DNAH8: variants seen among roughly 807,000 people sequenced by gnomAD.
DNAH8 encodes axonemal beta dynein heavy chain 8.
A neutral mutation model predicts 562.1 loss-of-function variants in DNAH8; 382 were observed. The ratio of observed to expected loss-of-function variants is 0.68; its 90% CI spans 0.63 to 0.74. The LOEUF is 0.74. Among genes scored for constraint, DNAH8 ranks in the 30% least tolerant of loss-of-function variants. The pLI, the probability that DNAH8 is intolerant of heterozygous loss-of-function variation, is 0.00. For synonymous variants in DNAH8, 1,881 were observed against 1,919.4 expected (o/e 0.98, Z 0.52); for missense variants, 5,203 against 5,620.4 (o/e 0.93, Z 2.37).
chr6:38,930,221 G>A (rs1782451167), intron 75 of DNAH8, among the ~76,000 whole-genome samples: 1 of 152,042 alleles, frequency 6.6e-6, no homozygotes, highest in African/African-American at 2.4e-5. Context: ...TTTGTTGGAA[G>A]CTATGGAATA....
intron 44 of DNAH8, among the ~76,000 whole-genome samples, chr6:38,862,831 G>A (rs1399872879): frequency 1.3e-5 from 2 of 152,182 alleles, no homozygotes; most frequent in Non-Finnish European, 2.9e-5. Flanking sequence ...TAAGAAGGGG[G>A]TGGCCATCAG....
intron 78 of DNAH8, 33 bp from the exon 79 acceptor site, chr6:38,938,765 C>G: frequency 1.3e-6 from 2 of 1,516,396 alleles, no homozygotes; most frequent in Non-Finnish European, 9.0e-7. Flanking sequence ...AGAAATTGCC[C>G]TTTGCTTCTT....
intron 82 of DNAH8, among the ~76,000 whole-genome samples, chr6:38,964,381 A>G (rs1484741341): frequency 2.5e-5 from 2 of 80,384 alleles, no homozygotes; most frequent in Admixed American, 1.4e-4. Flanking sequence ...TCCCTCCCGG[A>G]CGGGGCGGCT....
chr6:38,871,841 A>G (rs533102119), intron 49 of DNAH8, among the ~76,000 whole-genome samples: 7 of 152,284 alleles, frequency 4.6e-5, no homozygotes, highest in African/African-American at 1.4e-4. Flanking sequence ...ATCCACCCCC[A>G]AACAAACGTC....
rs1198647950 is a variant in DNAH8, at chr6:38,957,296, A to C, written c.12451+5776A>C. 6.0e-5 allele frequency among the ~76,000 whole-genome samples: 9 copies of C among 148,804 alleles called. No homozygotes were observed. The Admixed American group carries it at 6.1e-4, about 10-fold the overall frequency. ...TATAAAGATATATAAAAATTAATATATATATTAATTATAATAAAAGATATA... is the reference window on the plus strand; with the variant it reads ...TATAAAGATATATAAAAATTAATATCTATATTAATTATAATAAAAGATATA... On this transcript the variant is annotated intron_variant, in intron 82 of 92. Coordinates refer to ENST00000327475, the MANE Select transcript of DNAH8 (RefSeq NM_001206927.2).
intron 11 of DNAH8, among the ~76,000 whole-genome samples, chr6:38,762,180 A>G (rs149603396): frequency 2.0e-5 from 3 of 152,326 alleles, no homozygotes; most frequent in Non-Finnish European, 4.4e-5. Flanking sequence ...GGTTTAGAAG[A>G]CAATGTTTCT....
intron 62 of DNAH8, among the ~76,000 whole-genome samples, chr6:38,904,267 G>C (rs1780277620): frequency 6.6e-6 from 1 of 152,134 alleles, no homozygotes; most frequent in Non-Finnish European, 1.5e-5. Flanking sequence ...TCAGGAGAGG[G>C]GTTCTGGTTC....
intron 3 of DNAH8, among the ~76,000 whole-genome samples, chr6:38,726,811 C>T (rs764938825): frequency 7.1e-6 from 1 of 140,932 alleles, no homozygotes; most frequent in African/African-American, 2.7e-5. Flanking sequence ...TGGTGTGGTG[C>T]GGTTTAGGAA....
chr6:38,781,680 A>G (rs1035127143), intron 16 of DNAH8, among the ~76,000 whole-genome samples: 8 of 152,204 alleles, frequency 5.3e-5, no homozygotes, highest in Non-Finnish European at 1.0e-4. Context: ...TGAAAACAAT[A>G]AAGTACAGGC....
At chr6:38,725,257 T>A (rs192845237) in intron 3 of DNAH8, among the ~76,000 whole-genome samples, 1 of 150,076 alleles carries the variant, frequency 6.7e-6, no homozygotes, top group Non-Finnish European at 1.5e-5. Context: ...GAGCCGAGAC[T>A]GTACCACTGC....
chr6:38,836,499 C>A (rs1267722775), intron 32 of DNAH8, among the ~76,000 whole-genome samples: 1 of 132,646 alleles, frequency 7.5e-6, no homozygotes. Context: ...ACAACAACAA[C>A]AACAAAAAAA....
intron 57 of DNAH8, among the ~76,000 whole-genome samples, chr6:38,888,437 TAA>T (rs1330153444): frequency 6.6e-6 from 1 of 151,968 alleles, no homozygotes; most frequent in Non-Finnish European, 1.5e-5. Flanking sequence ...AAAATAACAT[TAA>T]GAGAGTGAAA....
At chr6:38,968,828 G>T (rs569046573) in intron 82 of DNAH8, among the ~76,000 whole-genome samples, 62 of 152,230 alleles carry the variant, frequency 4.1e-4, no homozygotes, top group African/African-American at 1.5e-3. Context: ...CCAAAAACTT[G>T]TATGTGAATG....
At position 39,030,267 on chromosome 6, in the gene DNAH8, T is replaced by G; in HGVS notation, c.13999T>G (p.Cys4667Gly). Reference sequence around the variant, plus strand: ...ACCCAAGGACCCCAAGCTGTATGTGTGTCCTATTTACAAGAAACCCAGGCG... The same window carrying G: ...ACCCAAGGACCCCAAGCTGTATGTGGGTCCTATTTACAAGAAACCCAGGCG... ...TAPKDPKLYV[C>G]PIYKKPRRTD... The change falls in exon 93 of 93, where the codon TGT becomes GGT. Residue 4667 changes from cysteine (C) to glycine (G), a missense_variant. Cys to Gly is a radical substitution (Grantham distance 159). Around this residue, in one of 6 missense-constraint regions of DNAH8, gnomAD observed 1,399 missense variants for 1,518.4 expected, o/e 0.92. Coordinates refer to ENST00000327475, the MANE Select transcript of DNAH8 (RefSeq NM_001206927.2). The G allele has an allele frequency of 6.2e-7, 1 of 1,614,156 alleles. No individual in the cohort carries two copies. Among genetic ancestry groups the G allele is most frequent in the Non-Finnish European group, 8.5e-7 (1 of 1,180,036 alleles).
chr6:38,819,170 T>C (rs907094597), intron 26 of DNAH8, among the ~76,000 whole-genome samples: 3 of 152,246 alleles, frequency 2.0e-5, no homozygotes, highest in Non-Finnish European at 2.9e-5. Context: ...TCGTCTCACA[T>C]GAACAATTAA....
At chr6:38,943,418 C>T (rs1236003034) in intron 79 of DNAH8, among the ~76,000 whole-genome samples, 1 of 152,070 alleles carries the variant, frequency 6.6e-6, no homozygotes, top group African/African-American at 2.4e-5. Context: ...GAACTCAATA[C>T]TTAAGGGGGA....
intron 1 of DNAH8, among the ~76,000 whole-genome samples, chr6:38,717,499 A>G (rs1762429592): frequency 2.0e-5 from 3 of 151,764 alleles, no homozygotes; most frequent in South Asian, 4.2e-4. Context: ...AATTTTTTGC[A>G]TTTGTTGTCA....
intron 9 of DNAH8, among the ~76,000 whole-genome samples, chr6:38,753,429 G>C (rs746806493): frequency 2.0e-5 from 3 of 152,108 alleles, no homozygotes. Flanking sequence ...ATGCAAATAT[G>C]AAATACACAT....
intron 81 of DNAH8, among the ~76,000 whole-genome samples, chr6:38,950,467 T>C (rs1401261246): frequency 6.8e-6 from 1 of 146,172 alleles, no homozygotes; most frequent in Non-Finnish European, 1.5e-5. Context: ...TGAGACAGAG[T>C]CTCACTCTGT....
Sources: allele counts gnomAD v4.1 joint callset (sites outside exome capture counted in the v4.1 genomes callset), GRCh38; gene constraint gnomAD v4.1.1; regional missense constraint gnomAD v4.1.1; transcripts MANE v1.5; gene names NCBI Gene and HGNC (gene_info 2026-07-23, HGNC 2026-07-21).